The following MFSD2A variants were observed in gnomAD, a reference collection of about 807,000 sequenced individuals.
MFSD2A encodes sodium-dependent lysophosphatidylcholine symporter 1.
A neutral mutation model predicts 64.7 loss-of-function variants in MFSD2A; 27 were observed. That is an observed-to-expected ratio of 0.42 (90% CI 0.31 to 0.58). MFSD2A has a LOEUF of 0.58. MFSD2A is among the 20% of genes least tolerant of loss of function. MFSD2A has a pLI of 0.18. For synonymous variants in MFSD2A, 258 were observed against 273.4 expected, an observed-to-expected ratio of 0.94 and a Z score of 0.55; for missense variants, 474 against 679.5, an observed-to-expected ratio of 0.70 and a Z score of 3.36.
intron 9 of MFSD2A, 75 bp downstream of exon 9, chr1:39,967,244 C>T (rs1645183822): frequency 1.5e-6 from 2 of 1,347,244 alleles, no homozygotes; most frequent in Non-Finnish European, 1.1e-6. Flanking sequence ...TTGGAATAGG[C>T]AGAGGATGTT....
chr1:39,957,191 C>T lies in MFSD2A; in HGVS notation c.198C>T (p.Phe66=), dbSNP rs1201692099. ...YQVTGCALGF[F]LQIYLLDVAQ... is the part of the protein sequence containing the mutation. ...TGACGGGCTGTGCCCTGGGTTTCTT[C>T]CTTCAGATCTACCTATTGGATGTGG... Residue 66 remains phenylalanine, a synonymous_variant, in exon 2 of 14, where the codon TTC becomes TTT. Transcript: ENST00000372811. 6.2e-7 allele frequency: 1 copy of T among 1,609,288 alleles called. No homozygotes were observed. Among genetic ancestry groups the T allele is most frequent in the Non-Finnish European group, 8.5e-7 (1 of 1,177,522 alleles).
At position 39,969,494 on chromosome 1, in the gene MFSD2A, C is replaced by G. The variant is rs553471784; in HGVS notation, c.1530-11C>G. On this transcript the variant is annotated splice_polypyrimidine_tract_variant and intron_variant, in intron 13 of 13. Coordinates refer to ENST00000372811, the MANE Select transcript of MFSD2A (RefSeq NM_032793.5). ...ATGCTTCCTCCAACCCATCTCCTCTCTCTCTTGCAGGGACGAGGCCAGCAG... is the reference window on the plus strand; with the variant it reads ...ATGCTTCCTCCAACCCATCTCCTCTGTCTCTTGCAGGGACGAGGCCAGCAG... The G allele has an allele frequency of 1.9e-6, 3 of 1,595,758 alleles. No individual in the cohort carries two copies. Among genetic ancestry groups the G allele is most frequent in the South Asian group, 2.2e-5 (2 of 88,968 alleles).
Position 39,964,488 on chromosome 1 carries a change from G to C in MFSD2A, c.354-723G>C, listed in dbSNP as rs1036754537. ...TCTTTACCATGGCCTGTGCTGCCTT[G>C]CTATACTGATGCCATGAAGTTAGTC... On this transcript the variant is annotated intron_variant, in intron 3 of 13. Coordinates refer to ENST00000372811, the MANE Select transcript of MFSD2A (RefSeq NM_032793.5). The surrounding 1 kb of genome is among the most constrained non-coding windows in gnomAD (Gnocchi z 4.1). The C allele has an allele frequency of 2.0e-5, 3 of 152,270 alleles. No individual in the cohort carries two copies. The highest frequency in any genetic ancestry group is 7.2e-5 in the African/African-American group (3 of 41,466). The allele number at this position is 152,270 out of a possible 1,614,324, so 9.4% of individuals were successfully genotyped here.
In MFSD2A at chr1:39,969,892, ATGTG is replaced by A. The variant is rs1347400788; in HGVS notation, c.*330_*333del. ...TAACTTAATGACTGTGTACATAGCA[ATGTG>A]TGTGTATGTATATGTCTGTGAGCTA... On this transcript the variant is annotated 3_prime_UTR_variant, in exon 14 of 14. Transcript: ENST00000372811. The A allele has an allele frequency of 8.4e-6, 3 of 357,884 alleles. No homozygotes were observed. In the East Asian group the frequency reaches 1.8e-4, roughly 21 times the overall value. The allele number at this position is 357,884 out of a possible 1,614,324, so 22.2% of individuals were successfully genotyped here.
intron 6 of MFSD2A, 99 bp from the exon 7 acceptor site, chr1:39,966,501 AG>A: frequency 1.1e-6 from 1 of 918,460 alleles, no homozygotes; most frequent in Non-Finnish European, 1.7e-6. Context: ...CCCAGAGGGG[AG>A]GGGACTGGCC....
intron 3 of MFSD2A, chr1:39,962,577 C>T (rs1645067749): frequency 4.6e-6 from 3 of 652,574 alleles, no homozygotes; most frequent in African/African-American, 3.7e-5. Flanking sequence ...AGCGGGGGGG[C>T]CTGGAGGCCC....
rs942901481 is a variant in MFSD2A at position 39,968,877 on chromosome 1, C to T, written c.1529+132C>T. 2.9e-5 allele frequency: 27 copies of T among 923,922 alleles called. No homozygotes were observed. The highest frequency in any genetic ancestry group is 5.0e-5 in the African/African-American group (3 of 60,476). 57.2% of individuals were successfully genotyped at this position (923,922 alleles called of 1,614,324 possible). ...TCTGGACAGCTGTAACACTTAAGTA[C>T]GCACCAGGCACTGTGTTAAGTGGTC... On this transcript the variant is annotated intron_variant, in intron 13 of 13. Coordinates refer to ENST00000372811, the MANE Select transcript of MFSD2A (RefSeq NM_032793.5). This position sits in a 1 kb window ranked among gnomAD's most constrained non-coding sequence, Gnocchi z 4.4.
chr1:39,959,144 G>A (rs1296734215), intron 3 of MFSD2A, among the ~76,000 whole-genome samples: 1 of 152,092 alleles, frequency 6.6e-6, no homozygotes, highest in Non-Finnish European at 1.5e-5. Context: ...CAGTGGCCGA[G>A]GTAGTACTTA....
Position 39,958,568 on chromosome 1 carries a change from G to C in MFSD2A, c.229-133G>C. Reference sequence around the variant, plus strand: ...TAACAAGGCAAGTGAAGATGTGTAAGGTCCATGTGGGAGCAGCTCAGGGTC... The same window carrying C: ...TAACAAGGCAAGTGAAGATGTGTAACGTCCATGTGGGAGCAGCTCAGGGTC... On this transcript the variant is annotated intron_variant, in intron 2 of 13. Transcript: ENST00000372811. This position sits in a 1 kb window ranked among gnomAD's most constrained non-coding sequence, Gnocchi z 4.7. 1.5e-6 allele frequency: 2 copies of C among 1,354,552 alleles called. No homozygotes were observed. The highest frequency in any genetic ancestry group is 2.1e-6 in the Non-Finnish European group (2 of 953,922). 83.9% of individuals were successfully genotyped at this position (1,354,552 alleles called of 1,614,324 possible).
chr1:39,965,968 C>T lies in MFSD2A; in HGVS notation c.668C>T (p.Ser223Leu), dbSNP rs139144326. 1.9e-6 allele frequency: 3 copies of T among 1,614,044 alleles called. No individual in the cohort carries two copies. The African/African-American group carries it at 4.0e-5, about 22-fold the overall frequency. The part of the protein sequence containing the change: ...FQDLNSSTVA[S>L]QSANHTHGTT... ...GACCTCAATAGCTCTACAGTAGCTT[C>T]ACAAAGTGCCAACCATACACATGGC... The change falls in exon 6 of 14, where the codon TCA (serine) becomes TTA (leucine). Residue 223 changes from serine to leucine, a missense_variant. By Grantham distance (145) the Ser-to-Leu change is moderately radical. Coordinates refer to ENST00000372811, the MANE Select transcript of MFSD2A (RefSeq NM_032793.5). This position sits in a 1 kb window ranked among gnomAD's most constrained non-coding sequence, Gnocchi z 5.5.
chr1:39,963,488 G>T lies in MFSD2A; in HGVS notation c.354-1723G>T. On this transcript the variant is annotated intron_variant, in intron 3 of 13. Coordinates refer to ENST00000372811, the MANE Select transcript of MFSD2A (RefSeq NM_032793.5). This position sits in a 1 kb window ranked among gnomAD's most constrained non-coding sequence, Gnocchi z 4.2. Reference sequence around the variant, plus strand: ...GACAGAGTCTTGCTATGTTGCACAGGCTGGACTCAAACTCCTGGGGAAAAG... The same window carrying T: ...GACAGAGTCTTGCTATGTTGCACAGTCTGGACTCAAACTCCTGGGGAAAAG... The T allele has an allele frequency of 2.1e-6, 1 of 474,164 alleles. No individual in the cohort carries two copies. Among genetic ancestry groups the T allele is most frequent in the Non-Finnish European group, 3.7e-6 (1 of 267,606 alleles). The allele number at this position is 474,164 out of a possible 1,614,324, so 29.4% of individuals were successfully genotyped here.
At position 39,965,236 on chromosome 1, in the gene MFSD2A, G is replaced by C. The variant is rs144708707; in HGVS notation, c.379G>C (p.Val127Leu). 7 of 1,614,006 alleles carry C rather than the reference G, an allele frequency of 4.3e-6. No individual in the cohort carries two copies. In the Admixed American group the frequency reaches 8.3e-5, roughly 19 times the overall value. Residue 127 changes from valine to leucine, a missense_variant, in exon 4 of 14, where the codon GTC (valine) becomes CTC (leucine). Physicochemically the swap from Val to Leu is conservative, Grantham distance 32. Coordinates refer to ENST00000372811, the MANE Select transcript of MFSD2A (RefSeq NM_032793.5). This position sits in a 1 kb window ranked among gnomAD's most constrained non-coding sequence, Gnocchi z 5.5. ...GATCATCTTCTCCACGCCCCTGGCC[G>C]TCATTGCCTACTTCCTCATCTGGTT... ...PWIIFSTPLA[V>L]IAYFLIWFVP...
At chr1:39,969,072 C>G (rs990672807) in intron 13 of MFSD2A, among the ~76,000 whole-genome samples, 6 of 152,320 alleles carry the variant, frequency 3.9e-5, no homozygotes, top group African/African-American at 1.4e-4. Flanking sequence ...TTAGGGTTCC[C>G]CCTCTGCAGG....
Position 39,965,535 on chromosome 1 carries a change from C to G in MFSD2A, c.542C>G (p.Ser181Cys), listed in dbSNP as rs759109413. 7 of 1,614,024 alleles carry G rather than the reference C, an allele frequency of 4.3e-6. No individual in the cohort carries two copies. Among genetic ancestry groups the G allele is most frequent in the Non-Finnish European group, 5.9e-6 (7 of 1,180,024 alleles). Residue 181 changes from serine to cysteine, a missense_variant, in exon 5 of 14, where the codon TCT becomes TGT. Physicochemically the swap from Ser to Cys is moderately radical, Grantham distance 112 (BLOSUM62 -1). Transcript: ENST00000372811. This position sits in a 1 kb window ranked among gnomAD's most constrained non-coding sequence, Gnocchi z 5.5. ...FISTEQTERDSATAYRMTVEV... is the reference protein window; with the variant it reads ...FISTEQTERDCATAYRMTVEV... ...AGCACCGAGCAGACTGAGCGGGATT[C>G]TGCCACCGCCTATCGTGAGTCTCCC...
Position 39,966,627 on chromosome 1 carries a change from G to C in MFSD2A, c.741G>C (p.Gly247=), listed in dbSNP as rs1286239543. The stretch of plus-strand genomic sequence containing the variant: ...AAAAGGCATACCTGCTGGCAGCGGG[G>C]GTCATTGTCTGTATCTATATAATCT... ...ETQKAYLLAA[G]VIVCIYIICA... Residue 247 remains glycine (G), a synonymous_variant, in exon 7 of 14, where the codon GGG becomes GGC. Coordinates refer to ENST00000372811, the MANE Select transcript of MFSD2A (RefSeq NM_032793.5). 1 of 1,613,796 alleles carries C rather than the reference G, an allele frequency of 6.2e-7. No individual in the cohort carries two copies. Among genetic ancestry groups the C allele is most frequent in the East Asian group, 2.2e-5 (1 of 44,864 alleles).
At position 39,963,176 on chromosome 1, in the gene MFSD2A, C is replaced by G. The variant is rs368814513; in HGVS notation, c.354-2035C>G. 3 of 1,540,934 alleles carry G rather than the reference C, an allele frequency of 1.9e-6. No individual in the cohort carries two copies. The highest frequency in any genetic ancestry group is 4.5e-5 in the East Asian group (2 of 44,368). Reference sequence around the variant, plus strand: ...CTGGCATCGTCTCCACACCTGTGCCCAAGAAGCTGCTCATGATGGCTGGTA... The same window carrying G: ...CTGGCATCGTCTCCACACCTGTGCCGAAGAAGCTGCTCATGATGGCTGGTA... On this transcript the variant is annotated intron_variant, in intron 3 of 13. Transcript: ENST00000372811. The surrounding 1 kb of genome is among the most constrained non-coding windows in gnomAD (Gnocchi z 4.2).
At chr1:39,966,720 G>A (rs746207474) in intron 7 of MFSD2A, 29 bp downstream of exon 7, 1 of 1,613,342 alleles carries the variant, frequency 6.2e-7, no homozygotes, top group Non-Finnish European at 8.5e-7. Context: ...AGGGGTGCAG[G>A]CCTCAGCATG....
In MFSD2A at chr1:39,963,996, A is replaced by G. The variant is rs987912689; in HGVS notation, c.354-1215A>G. ...GGTGATCCACTTGACTCAGTCTCCC[A>G]AAGTGCTGGGATTACAGGCATGAGC... is the stretch of plus-strand genomic sequence containing the variant. On this transcript the variant is annotated intron_variant, in intron 3 of 13. Transcript: ENST00000372811. The surrounding 1 kb of genome is among the most constrained non-coding windows in gnomAD (Gnocchi z 4.2). 2.0e-5 allele frequency among the ~76,000 whole-genome samples: 3 copies of G among 152,246 alleles called. No individual in the cohort carries two copies. The highest frequency in any genetic ancestry group is 2.0e-4 in the Admixed American group (3 of 15,284).
In MFSD2A at chr1:39,965,814, A is replaced by G; in HGVS notation, c.557-43A>G. The G allele has an allele frequency of 6.2e-7, 1 of 1,608,296 alleles. No individual in the cohort carries two copies. The highest frequency in any genetic ancestry group is 1.1e-5 in the South Asian group (1 of 90,818). ...ATTTGACCTTCCTCCCTGGGCCCACAATCCATGAGGCCCCTCCAAAACACC... is the reference window on the plus strand; with the variant it reads ...ATTTGACCTTCCTCCCTGGGCCCACGATCCATGAGGCCCCTCCAAAACACC... On this transcript the variant is annotated intron_variant, in intron 5 of 13. Coordinates refer to ENST00000372811, the MANE Select transcript of MFSD2A (RefSeq NM_032793.5). The surrounding 1 kb of genome is among the most constrained non-coding windows in gnomAD (Gnocchi z 5.5).
Sources: gnomAD v4.1 joint callset for allele counts (sites outside exome capture counted in the v4.1 genomes callset) on GRCh38, gnomAD v4.1.1 for gene constraint, Gnocchi (gnomAD v3.1) non-coding constraint, MANE v1.5 for transcripts, NCBI Gene and HGNC (gene_info 2026-07-23, HGNC 2026-07-21) for gene names.